Variants in DRC1 observed in about 807,000 individuals in gnomAD.
DRC1 encodes dynein regulatory complex protein 1.
Under a neutral mutation model 98.7 loss-of-function variants are expected in DRC1, and 74 were observed. The observed-to-expected ratio is 0.75, with a 90% confidence interval of 0.62 to 0.91. The LOEUF (loss-of-function observed/expected upper bound fraction) is 0.91. Among genes scored for constraint, DRC1 ranks in the 40% least tolerant of loss-of-function variants. The pLI is 0.00. For missense variants in DRC1, 875 were observed against 886.0 expected (o/e 0.99, Z 0.16); for synonymous variants, 336 against 334.1 (o/e 1.01, Z -0.06).
chr2:26,454,171 C>T lies in DRC1; in HGVS notation c.1920-476C>T, dbSNP rs1229060737. On this transcript the variant is annotated intron_variant, in intron 14 of 16. Transcript: ENST00000288710. The surrounding 1 kb of genome is among the most constrained non-coding windows in gnomAD (Gnocchi z 5.2). ...GAGCCAGAAAAGGATTTGAAGCAGC[C>T]GAAGAGCCATGATTAGCCTTGCGTT... Among the ~76,000 whole-genome samples, 4 of 152,000 alleles carry T rather than the reference C, an allele frequency of 2.6e-5. No individual in the cohort carries two copies. Among genetic ancestry groups the T allele is most frequent in the Admixed American group, 6.6e-5 (1 of 15,258 alleles).
At chr2:26,421,710 G>A (rs1049645575) in intron 3 of DRC1, among the ~76,000 whole-genome samples, 2 of 151,890 alleles carry the variant, frequency 1.3e-5, no homozygotes, top group Non-Finnish European at 2.9e-5. Flanking sequence ...ACAGGCATGC[G>A]CCACCAAGCC....
chr2:26,416,404 T>C (rs959786734), intron 2 of DRC1, among the ~76,000 whole-genome samples: 1 of 152,140 alleles, frequency 6.6e-6, no homozygotes, highest in African/African-American at 2.4e-5. Context: ...CCTCCCAAAG[T>C]GCTGGGATTA....
intron 1 of DRC1, among the ~76,000 whole-genome samples, chr2:26,406,359 C>A (rs1678427094): frequency 6.6e-6 from 1 of 152,156 alleles, no homozygotes; most frequent in African/African-American, 2.4e-5. Context: ...GCTGCCTGGG[C>A]CTTCTTATGT....
chr2:26,453,889 T>G (rs547978291), intron 14 of DRC1, among the ~76,000 whole-genome samples: 2 of 152,234 alleles, frequency 1.3e-5, no homozygotes, highest in African/African-American at 2.4e-5. Context: ...AAGTGGCCGT[T>G]TCCATTTGGC....
At chr2:26,431,486 T>A (rs1021969049) in intron 6 of DRC1, among the ~76,000 whole-genome samples, 6 of 152,200 alleles carry the variant, frequency 3.9e-5, no homozygotes, top group African/African-American at 1.4e-4. Context: ...GACACCTTTT[T>A]AAAGGGTGTG....
At chr2:26,434,385 G>C (rs1663517322) in intron 7 of DRC1, among the ~76,000 whole-genome samples, 1 of 152,154 alleles carries the variant, frequency 6.6e-6, no homozygotes, top group Admixed American at 6.6e-5. Flanking sequence ...TCTTGATGCA[G>C]GAAGCAAATG....
At chr2:26,433,539 C>G (rs1235976304) in intron 7 of DRC1, among the ~76,000 whole-genome samples, 1 of 152,160 alleles carries the variant, frequency 6.6e-6, no homozygotes, top group East Asian at 1.9e-4. Flanking sequence ...CTGAAAATGG[C>G]TATTGTTAAG....
intron 8 of DRC1, among the ~76,000 whole-genome samples, chr2:26,440,850 A>G (rs1419632649): frequency 1.3e-5 from 2 of 151,828 alleles, no homozygotes; most frequent in Non-Finnish European, 2.9e-5. Flanking sequence ...GTCTGTACAC[A>G]CTCCTGTATA....
chr2:26,414,460 G>C, intron 2 of DRC1, 29 bp downstream of exon 2: 1 of 1,600,212 alleles, frequency 6.2e-7, no homozygotes, highest in South Asian at 1.1e-5. Flanking sequence ...ATGGGCTCTG[G>C]AAGACCAGTG....
intron 2 of DRC1, among the ~76,000 whole-genome samples, chr2:26,420,530 G>T (rs1428415444): frequency 6.6e-6 from 1 of 152,068 alleles, no homozygotes. Context: ...AATATCTGCT[G>T]GTATAAAAGT....
chr2:26,421,099 A>C, intron 2 of DRC1, 189 bp from the exon 3 acceptor site: 1 of 453,952 alleles, frequency 2.2e-6, no homozygotes, highest in South Asian at 2.4e-5. Context: ...GTGAGCTGTA[A>C]AATCACATCA....
At chr2:26,443,211 C>T (rs1024562989) in intron 8 of DRC1, among the ~76,000 whole-genome samples, 2 of 152,176 alleles carry the variant, frequency 1.3e-5, no homozygotes, top group Admixed American at 1.3e-4. Context: ...AATTTCTAAA[C>T]TTAAAATATG....
At chr2:26,441,947 C>G (rs186225147) in intron 8 of DRC1, among the ~76,000 whole-genome samples, 4 of 152,192 alleles carry the variant, frequency 2.6e-5, no homozygotes, top group Admixed American at 2.6e-4. Context: ...TTTGACATAT[C>G]TGTTTGTGCT....
chr2:26,443,601 A>C (rs1340576602), intron 8 of DRC1, among the ~76,000 whole-genome samples: 1 of 152,222 alleles, frequency 6.6e-6, no homozygotes, highest in Non-Finnish European at 1.5e-5. Flanking sequence ...CTAGACTGAT[A>C]GTACCTTGTA....
At chr2:26,451,485 G>C (rs1364352638) in intron 13 of DRC1, among the ~76,000 whole-genome samples, 1 of 152,160 alleles carries the variant, frequency 6.6e-6, no homozygotes, top group Non-Finnish European at 1.5e-5. Context: ...AGTACTGCTA[G>C]CCCAAAGCTG....
Position 26,424,325 on chromosome 2 carries a change from C to CGATGAA in DRC1, c.411_412insGATGAA (p.Ile137_Thr138insAspGlu). ...CCAGCCAGGACAAATTCGATGAAAT[C>CGATGAA]ACCTCAAAGTGGGAAGAGGGCAAGC... On this transcript the variant is annotated inframe_insertion, in exon 4 of 17. Coordinates refer to ENST00000288710, the MANE Select transcript of DRC1 (RefSeq NM_145038.5). 1 of 1,613,906 alleles carries CGATGAA rather than the reference C, an allele frequency of 6.2e-7. No homozygotes were observed. Among genetic ancestry groups the CGATGAA allele is most frequent in the Non-Finnish European group, 8.5e-7 (1 of 1,180,002 alleles).
intron 1 of DRC1, among the ~76,000 whole-genome samples, chr2:26,405,652 TC>T (rs1368261948): frequency 0.012 from 1,252 of 108,656 alleles, 22 homozygotes; most frequent in African/African-American, 0.037. Flanking sequence ...AAAGGCTATA[TC>T]TTTTTTTTTT....
chr2:26,444,249 A>G lies in DRC1; in HGVS notation c.1056A>G (p.Arg352=). ...NRLHDILNNL[R]SKYAKQIKQF... ...TGCATGATATACTTAACAATCTGAG[A>G]TCAAAATATGCCAAGCAAATAAAGC... Residue 352 remains arginine, a synonymous_variant, in exon 9 of 17, where the codon AGA becomes AGG. Transcript: ENST00000288710. The G allele has an allele frequency of 6.2e-7, 1 of 1,614,168 alleles. No homozygotes were observed. Among genetic ancestry groups the G allele is most frequent in the Non-Finnish European group, 8.5e-7 (1 of 1,180,040 alleles).
intron 4 of DRC1, 31 bp downstream of exon 4, chr2:26,424,485 C>T (rs1663232932): frequency 1.3e-6 from 2 of 1,584,728 alleles, no homozygotes; most frequent in Non-Finnish European, 1.7e-6. Context: ...AGCCCAGCCA[C>T]AGGGGATCTG....
Sources: allele counts gnomAD v4.1 joint callset (sites outside exome capture counted in the v4.1 genomes callset), GRCh38; gene constraint gnomAD v4.1.1; non-coding constraint Gnocchi (gnomAD v3.1); transcripts MANE v1.5; gene names NCBI Gene and HGNC (gene_info 2026-07-23, HGNC 2026-07-21).